KPNA6: variants seen among roughly 807,000 people sequenced by gnomAD.
The protein encoded by KPNA6 is karyopherin subunit alpha 6.
Under a neutral mutation model 72.0 loss-of-function variants are expected in KPNA6, and 9 were observed. The observed-to-expected ratio is 0.13, with a 90% CI of 0.08 to 0.22. The LOEUF is 0.22. KPNA6 is among the 10% of genes least tolerant of loss of function. KPNA6 has a pLI of 1.00. For missense variants in KPNA6, 374 were observed against 655.7 expected (o/e 0.57, Z 4.69); for synonymous variants, 219 against 242.1 (o/e 0.90, Z 0.89).
At chr1:32,166,663 C>CTCATGCTTG (rs1171949542) in intron 11 of KPNA6, among the ~76,000 whole-genome samples, 1 of 143,608 alleles carries the variant, frequency 7.0e-6, no homozygotes, top group Non-Finnish European at 1.5e-5. Flanking sequence ...GGCATGGTGG[C>CTCATGCTTG]TCATGCTTGT....
chr1:32,135,834 C>G (rs925475045), intron 1 of KPNA6, among the ~76,000 whole-genome samples: 1 of 151,242 alleles, frequency 6.6e-6, no homozygotes, highest in East Asian at 1.9e-4. Flanking sequence ...TAGTGGTTGC[C>G]CAGCTCTATA....
chr1:32,159,640 T>C (rs1050299962), intron 6 of KPNA6, 109 bp downstream of exon 6: 5 of 1,259,436 alleles, frequency 4.0e-6, no homozygotes, highest in African/African-American at 1.5e-5. Flanking sequence ...TGGAATTTCC[T>C]GAGTGATAGG....
At chr1:32,166,029 A>G (rs1349384332) in intron 10 of KPNA6, 76 bp from the exon 11 acceptor site, 1 of 1,488,666 alleles carries the variant, frequency 6.7e-7, no homozygotes, top group Non-Finnish European at 9.0e-7. Flanking sequence ...AACAACAACA[A>G]CAACAACAAA....
intron 1 of KPNA6, among the ~76,000 whole-genome samples, chr1:32,110,226 A>G (rs1431553812): frequency 1.3e-5 from 2 of 150,730 alleles, no homozygotes; most frequent in African/African-American, 2.4e-5. Context: ...CACCACACCT[A>G]GCTAATTTTT....
intron 2 of KPNA6, 52 bp downstream of exon 2, chr1:32,154,773 A>G (rs764973639): frequency 4.9e-5 from 78 of 1,600,996 alleles, no homozygotes; most frequent in East Asian, 8.9e-5. Context: ...ACAAGCCCCT[A>G]TGGTTGGCCT....
intron 1 of KPNA6, among the ~76,000 whole-genome samples, chr1:32,144,395 A>G (rs1375163155): frequency 6.6e-6 from 1 of 152,216 alleles, no homozygotes; most frequent in Non-Finnish European, 1.5e-5. Context: ...ATATTTTCAG[A>G]CCACTGTTGT....
Position 32,150,102 on chromosome 1 carries a change from G to A in KPNA6, c.5-4486G>A, listed in dbSNP as rs187462926. Among the ~76,000 whole-genome samples the A allele has an allele frequency of 4.0e-5, 6 of 149,162 alleles. No homozygotes were observed. In the East Asian group the frequency reaches 1.2e-3, roughly 29 times the overall value. ...ATTAGCATAGCTTTTAGGGTTAATG[G>A]GATTAGATCTGGAAAATTTTTAGTC... On this transcript the variant is annotated intron_variant, in intron 1 of 13. Coordinates refer to ENST00000373625, the MANE Select transcript of KPNA6 (RefSeq NM_012316.5).
intron 1 of KPNA6, among the ~76,000 whole-genome samples, chr1:32,124,378 G>GA (rs1641494252): frequency 6.6e-6 from 1 of 151,052 alleles, no homozygotes; most frequent in South Asian, 2.1e-4. Flanking sequence ...TCTTTAAAAA[G>GA]AAAAAAATCT....
rs373029669 is a variant in KPNA6 at position 32,166,811 on chromosome 1, G to A, written c.1117-358G>A. Among the ~76,000 whole-genome samples, 6 of 151,236 alleles carry A rather than the reference G, an allele frequency of 4.0e-5. No individual in the cohort carries two copies. The East Asian group carries it at 1.2e-3, about 29-fold the overall frequency. ...AAATTAGCCGGGCGTGGTGGCAGGCGCCTGTAGTCACAGCTAGTCGGGAGG... is the reference window on the plus strand; with the variant it reads ...AAATTAGCCGGGCGTGGTGGCAGGCACCTGTAGTCACAGCTAGTCGGGAGG... On this transcript the variant is annotated intron_variant, in intron 11 of 13. Transcript: ENST00000373625.
chr1:32,115,143 CT>C (rs200107930), intron 1 of KPNA6, among the ~76,000 whole-genome samples: 2 of 147,128 alleles, frequency 1.4e-5, no homozygotes, highest in African/African-American at 2.5e-5. Context: ...CCCGGCTTCA[CT>C]TTTTTTTTTG....
intron 2 of KPNA6, among the ~76,000 whole-genome samples, chr1:32,155,304 CCTTTT>C (rs1478434342): frequency 6.7e-6 from 1 of 149,730 alleles, no homozygotes; most frequent in Non-Finnish European, 1.5e-5. Context: ...TTCCTTGTTA[CCTTTT>C]CTTTTCTTTT....
chr1:32,141,960 G>C (rs1432309117), intron 1 of KPNA6, among the ~76,000 whole-genome samples: 1 of 152,148 alleles, frequency 6.6e-6, no homozygotes, highest in Non-Finnish European at 1.5e-5. Flanking sequence ...CTGGAGGCTA[G>C]AAGTCTGAGA....
chr1:32,138,023 T>C (rs994273841), intron 1 of KPNA6, among the ~76,000 whole-genome samples: 1 of 150,542 alleles, frequency 6.6e-6, no homozygotes, highest in Admixed American at 6.7e-5. Flanking sequence ...TAATCCCAGC[T>C]ACTTGGGAGG....
At chr1:32,154,915 C>T (rs1169353225) in intron 2 of KPNA6, among the ~76,000 whole-genome samples, 194 bp downstream of exon 2, 1 of 151,952 alleles carries the variant, frequency 6.6e-6, no homozygotes, top group Non-Finnish European at 1.5e-5. Flanking sequence ...CAAGACCAGC[C>T]TGGCCAACAT....
chr1:32,145,992 TC>T (rs995722550), intron 1 of KPNA6, among the ~76,000 whole-genome samples: 51 of 152,370 alleles, frequency 3.3e-4, no homozygotes, highest in African/African-American at 1.0e-3. Context: ...ACTTCAGTCT[TC>T]CAAAATTTAT....
chr1:32,112,484 CTTT>C (rs1228409327), intron 1 of KPNA6, among the ~76,000 whole-genome samples: 1 of 151,954 alleles, frequency 6.6e-6, no homozygotes, highest in East Asian at 1.9e-4. Flanking sequence ...AAAAGTACCT[CTTT>C]TATTTATTTA....
chr1:32,156,287 T>C (rs1642141812), intron 2 of KPNA6, among the ~76,000 whole-genome samples: 1 of 152,008 alleles, frequency 6.6e-6, no homozygotes, highest in African/African-American at 2.4e-5. Context: ...TGCCTGAAAC[T>C]GCAGATATTA....
rs192635512 is a variant in KPNA6 at position 32,159,366 on chromosome 1, T to C, written c.427-34T>C. The C allele has an allele frequency of 1.9e-3, 3,083 of 1,611,400 alleles. 4 individuals are homozygous for C. Among genetic ancestry groups the C allele is most frequent in the Admixed American group, 4.1e-3 (242 of 59,722 alleles). ...ATAGGCATGGCTGCTCAGTCTGAAA[T>C]GACCTTTCAATCATTGCTTAATCTC... On this transcript the variant is annotated intron_variant, in intron 5 of 13. Coordinates refer to ENST00000373625, the MANE Select transcript of KPNA6 (RefSeq NM_012316.5).
intron 1 of KPNA6, among the ~76,000 whole-genome samples, chr1:32,141,163 A>G (rs1641829171): frequency 6.6e-6 from 1 of 151,988 alleles, no homozygotes; most frequent in South Asian, 2.1e-4. Flanking sequence ...TTGTACTGTG[A>G]AGGTGAGTTC....
Sources: allele counts gnomAD v4.1 joint callset (sites outside exome capture counted in the v4.1 genomes callset), GRCh38; gene constraint gnomAD v4.1.1; transcripts MANE v1.5; gene names NCBI Gene and HGNC (gene_info 2026-07-23, HGNC 2026-07-21).